The following RTN4RL1 variants were observed in gnomAD, a reference collection of about 807,000 sequenced individuals.
RTN4RL1 encodes the protein reticulon-4 receptor-like 1.
In RTN4RL1, 7 loss-of-function variants were observed where a neutral mutation model predicts 25.6. The observed-to-expected ratio is 0.27, with a 90% confidence interval of 0.16 to 0.51. RTN4RL1 has a LOEUF of 0.51. Among genes scored for constraint, RTN4RL1 ranks in the 20% least tolerant of loss-of-function variants. The probability of loss-of-function intolerance (pLI) is 0.97; values close to 1 mark genes in which losing one functional copy is unlikely to be tolerated. For synonymous variants in RTN4RL1, 297 were observed against 288.2 expected, an observed-to-expected ratio of 1.03 and a Z score of -0.31; for missense variants, 500 against 615.6, an observed-to-expected ratio of 0.81 and a Z score of 1.99.
At chr17:2,022,695 C>T (rs1184952102) in intron 1 of RTN4RL1, among the ~76,000 whole-genome samples, 2 of 152,254 alleles carry the variant, frequency 1.3e-5, no homozygotes, top group African/African-American at 4.8e-5. Context: ...CCCGTCCACA[C>T]GATGCCCTAG....
At chr17:1,983,200 C>A (rs1279538023) in intron 1 of RTN4RL1, among the ~76,000 whole-genome samples, 1 of 152,136 alleles carries the variant, frequency 6.6e-6, no homozygotes, top group Non-Finnish European at 1.5e-5. Flanking sequence ...CACCCGCCAC[C>A]ACACCCGGCT....
chr17:2,004,679 G>T (rs548223709), intron 1 of RTN4RL1, among the ~76,000 whole-genome samples: 1 of 152,368 alleles, frequency 6.6e-6, no homozygotes, highest in Admixed American at 6.5e-5. Flanking sequence ...GCCCTGGGCA[G>T]AGAGGGCAGA....
intron 1 of RTN4RL1, among the ~76,000 whole-genome samples, chr17:2,008,349 TA>T (rs1175828581): frequency 6.6e-6 from 1 of 151,024 alleles, no homozygotes; most frequent in Non-Finnish European, 1.5e-5. Flanking sequence ...TTTGACACAT[TA>T]AAAAAAAGGA....
At chr17:1,950,093 A>ATG (rs1164974832) in intron 1 of RTN4RL1, among the ~76,000 whole-genome samples, 1 of 152,192 alleles carries the variant, frequency 6.6e-6, no homozygotes, top group South Asian at 2.1e-4. Flanking sequence ...GAAGTCACTG[A>ATG]AGAGCCCGGG....
At chr17:1,997,470 T>C (rs1429159455) in intron 1 of RTN4RL1, among the ~76,000 whole-genome samples, 1 of 152,336 alleles carries the variant, frequency 6.6e-6, no homozygotes, top group East Asian at 1.9e-4. Context: ...TTATTAACTG[T>C]CGCTCTCTGG....
At chr17:2,018,991 C>G (rs932082436) in intron 1 of RTN4RL1, 1 of 152,232 alleles carries the variant, frequency 6.6e-6, no homozygotes, top group Non-Finnish European at 1.5e-5. Flanking sequence ...CCCGAGGTGG[C>G]TGGGACTCAT....
At chr17:2,010,435 C>T (rs2067036139) in intron 1 of RTN4RL1, among the ~76,000 whole-genome samples, 1 of 152,136 alleles carries the variant, frequency 6.6e-6, no homozygotes, top group Non-Finnish European at 1.5e-5. Context: ...CAAGATCTTG[C>T]CACTGCACTC....
chr17:1,983,742 A>G (rs962293710), intron 1 of RTN4RL1, among the ~76,000 whole-genome samples: 1 of 151,282 alleles, frequency 6.6e-6, no homozygotes, highest in Non-Finnish European at 1.5e-5. Flanking sequence ...GGTCTTACCC[A>G]GTGTGTCCAG....
chr17:1,960,635 A>G (rs896900705), intron 1 of RTN4RL1, among the ~76,000 whole-genome samples: 3 of 152,200 alleles, frequency 2.0e-5, no homozygotes, highest in African/African-American at 7.2e-5. Flanking sequence ...ATTCGCAACT[A>G]TCATCACTAT....
intron 1 of RTN4RL1, among the ~76,000 whole-genome samples, chr17:2,006,494 C>A (rs1009999579): frequency 6.6e-6 from 1 of 150,702 alleles, no homozygotes; most frequent in Non-Finnish European, 1.5e-5. Flanking sequence ...GTTCAGTCAC[C>A]CAGGCTGGGG....
intron 1 of RTN4RL1, among the ~76,000 whole-genome samples, chr17:1,956,733 G>T (rs571622637): frequency 7.1e-6 from 1 of 140,984 alleles, no homozygotes; most frequent in African/African-American, 2.6e-5. Flanking sequence ...CATACCTGTC[G>T]GGAACTTTTT....
chr17:1,982,776 T>C (rs990425618), intron 1 of RTN4RL1, among the ~76,000 whole-genome samples: 1 of 151,752 alleles, frequency 6.6e-6, no homozygotes, highest in Non-Finnish European at 1.5e-5. Context: ...ACCCTGAAAA[T>C]GGAGTGAGGA....
chr17:1,940,087 C>A (rs547050397), intron 1 of RTN4RL1, among the ~76,000 whole-genome samples: 3 of 152,226 alleles, frequency 2.0e-5, no homozygotes, highest in African/African-American at 7.2e-5. Flanking sequence ...GCCACTGTCA[C>A]CCCCTCGTTC....
At chr17:1,962,249 A>G (rs1420432913) in intron 1 of RTN4RL1, among the ~76,000 whole-genome samples, 1 of 151,446 alleles carries the variant, frequency 6.6e-6, no homozygotes, top group Non-Finnish European at 1.5e-5. Context: ...ACTGCACTTT[A>G]TCCTAGATGA....
intron 1 of RTN4RL1, among the ~76,000 whole-genome samples, chr17:2,023,269 C>A (rs1213100395): frequency 6.6e-6 from 1 of 152,168 alleles, no homozygotes; most frequent in African/African-American, 2.4e-5. Flanking sequence ...TAAAAAGCAC[C>A]TTCTCTGTGC....
At chr17:1,996,685 A>T (rs1202861864) in intron 1 of RTN4RL1, among the ~76,000 whole-genome samples, 1 of 152,252 alleles carries the variant, frequency 6.6e-6, no homozygotes, top group Non-Finnish European at 1.5e-5. Context: ...ATGAAATCCC[A>T]GCAGGCTTAA....
At position 1,943,685 on chromosome 17, in the gene RTN4RL1, G is replaced by C. The variant is rs1284912409; in HGVS notation, c.14-5877C>G. On this transcript the variant is annotated intron_variant, in intron 1 of 1. Coordinates refer to ENST00000331238, the MANE Select transcript of RTN4RL1 (RefSeq NM_178568.4). The stretch of plus-strand genomic sequence containing the variant: ...CTGGCGCCTTAGGCTACTTGGCACT[G>C]TCCCTCCATGCTGCACCCAAGCACA... 3.3e-5 allele frequency among the ~76,000 whole-genome samples: 5 copies of C among 152,208 alleles called. No homozygotes were observed. In the East Asian group the frequency reaches 9.6e-4, roughly 29 times the overall value.
chr17:1,995,824 T>C (rs1320287031), intron 1 of RTN4RL1: 1 of 152,262 alleles, frequency 6.6e-6, no homozygotes, highest in Non-Finnish European at 1.5e-5. Context: ...TAACTAGCTG[T>C]CGCTCAAGCA....
At chr17:1,989,367 C>T (rs1040868859) in intron 1 of RTN4RL1, among the ~76,000 whole-genome samples, 2 of 150,614 alleles carry the variant, frequency 1.3e-5, no homozygotes, top group Non-Finnish European at 1.5e-5. Flanking sequence ...GAAGGCACAT[C>T]AAACTTTCTG....
Sources: allele counts gnomAD v4.1 joint callset (sites outside exome capture counted in the v4.1 genomes callset), GRCh38; gene constraint gnomAD v4.1.1; transcripts MANE v1.5; gene names NCBI Gene and HGNC (gene_info 2026-07-23, HGNC 2026-07-21).